The following CNTNAP2 variants were observed in gnomAD, a reference collection of about 807,000 sequenced individuals.
The protein encoded by CNTNAP2 is contactin associated protein 2, also known as contactin-associated protein-like 2.
In CNTNAP2, 98 loss-of-function variants were observed where a neutral mutation model predicts 155.2. The ratio of observed to expected loss-of-function variants is 0.63; its 90% CI spans 0.54 to 0.75. The LOEUF is 0.75. Among genes scored for constraint, CNTNAP2 ranks in the 30% least tolerant of loss-of-function variants. The pLI, the probability that CNTNAP2 is intolerant of heterozygous loss-of-function variation, is 0.00. For synonymous variants in CNTNAP2, 651 were observed against 631.2 expected, an observed-to-expected ratio of 1.03 and a Z score of -0.47; for missense variants, 1,727 against 1,688.1, an observed-to-expected ratio of 1.02 and a Z score of -0.40.
At chr7:147,672,845 G>C (rs1241231460) in intron 13 of CNTNAP2, 2 of 151,948 alleles carry the variant, frequency 1.3e-5, no homozygotes, top group Non-Finnish European at 2.9e-5. Flanking sequence ...CAATGTTGCT[G>C]CTTCCGTTTC....
At chr7:148,385,077 G>GA (rs1799160743) in intron 22 of CNTNAP2, among the ~76,000 whole-genome samples, 1 of 152,170 alleles carries the variant, frequency 6.6e-6, no homozygotes, top group African/African-American at 2.4e-5. Context: ...CTTTAATCAT[G>GA]TTCCGGCCCT....
At chr7:146,709,457 CA>C (rs1356036205) in intron 1 of CNTNAP2, among the ~76,000 whole-genome samples, 1 of 152,130 alleles carries the variant, frequency 6.6e-6, no homozygotes, top group Non-Finnish European at 1.5e-5. Context: ...AAGTACAAGC[CA>C]GAAGTTTGGG....
At chr7:147,229,353 T>C (rs916158953) in intron 8 of CNTNAP2, among the ~76,000 whole-genome samples, 2 of 152,176 alleles carry the variant, frequency 1.3e-5, no homozygotes, top group African/African-American at 4.8e-5. Context: ...TGGTTTTGAA[T>C]CAATAAAAGC....
intron 3 of CNTNAP2, among the ~76,000 whole-genome samples, chr7:146,897,698 AT>A (rs375553251): frequency 6.6e-6 from 1 of 151,850 alleles, no homozygotes; most frequent in African/African-American, 2.4e-5. Flanking sequence ...CAGTGATGAT[AT>A]TTTTCTCTAG....
chr7:147,319,723 A>C (rs543363476), intron 9 of CNTNAP2, among the ~76,000 whole-genome samples: 1 of 152,140 alleles, frequency 6.6e-6, no homozygotes, highest in Non-Finnish European at 1.5e-5. Context: ...AATATTATAG[A>C]TATAATAATA....
chr7:147,563,403 G>A (rs1800102598), intron 12 of CNTNAP2, among the ~76,000 whole-genome samples: 1 of 152,080 alleles, frequency 6.6e-6, no homozygotes, highest in South Asian at 2.1e-4. Flanking sequence ...GACTGAGGTA[G>A]GTGGATCATG....
At chr7:148,080,155 C>T (rs770918423) in intron 15 of CNTNAP2, among the ~76,000 whole-genome samples, 9 of 152,186 alleles carry the variant, frequency 5.9e-5, no homozygotes, top group Non-Finnish European at 1.0e-4. Flanking sequence ...GGGAGCCTGT[C>T]TTACAATGAG....
chr7:147,213,199 T>A (rs1335233635), intron 8 of CNTNAP2, among the ~76,000 whole-genome samples: 1 of 152,148 alleles, frequency 6.6e-6, no homozygotes, highest in African/African-American at 2.4e-5. Flanking sequence ...GAAGGCAATT[T>A]CTGAGGGCGG....
chr7:148,118,523 TGAGA>T (rs2116608985), intron 16 of CNTNAP2, among the ~76,000 whole-genome samples: 1 of 152,050 alleles, frequency 6.6e-6, no homozygotes, highest in East Asian at 1.9e-4. Context: ...GTCAAGAAGA[TGAGA>T]GAGAACACAC....
chr7:146,871,137 A>T (rs553319916), intron 3 of CNTNAP2, among the ~76,000 whole-genome samples: 41 of 152,336 alleles, frequency 2.7e-4, no homozygotes, highest in Non-Finnish European at 5.1e-4. Context: ...TTTTATGTAT[A>T]TGTGACGAAT....
At position 147,560,168 on chromosome 7, in the gene CNTNAP2, CAAA is replaced by C. The variant is rs71183016; in HGVS notation, c.1778-1949_1778-1947del. Among the ~76,000 whole-genome samples, 339 of 52,824 alleles carry C rather than the reference CAAA, an allele frequency of 6.4e-3. 1 individual carries two copies. The highest frequency in any genetic ancestry group is 0.024 in the Middle Eastern group (2 of 84). The allele number at this position is 52,824 out of a possible 152,430, so 34.7% of individuals were successfully genotyped here. On this transcript the variant is annotated intron_variant, in intron 11 of 23. Transcript: ENST00000361727. ...GGGCAACAAGAACGAAACTCCGTCT[CAAA>C]AAAAAAAAAAAAAAAAAAAATTGAA...
rs202103387 is a variant in CNTNAP2, at chr7:148,365,728, ATATGTATGTGTATACATGTATACATG to A, written c.3476-17915_3476-17890del. On this transcript the variant is annotated intron_variant, in intron 21 of 23. Transcript: ENST00000361727. ...CTTTTATATATATGTATACGTGTAT[ATATGTATGTGTATACATGTATACATG>A]TATGTGTATACGTGTATACATGTAT... Among the ~76,000 whole-genome samples, 37 of 63,740 alleles carry A rather than the reference ATATGTATGTGTATACATGTATACATG, an allele frequency of 5.8e-4. 2 individuals are homozygous for A. Among genetic ancestry groups the A allele is most frequent in the East Asian group, 1.9e-3 (6 of 3,090 alleles). 41.8% of individuals were successfully genotyped at this position (63,740 alleles called of 152,430 possible). A position where few individuals can be genotyped will look rare whatever the true frequency, so the allele number is the denominator to read the frequency against.
At chr7:147,917,392 A>G (rs560732824) in intron 14 of CNTNAP2, among the ~76,000 whole-genome samples, 1 of 152,352 alleles carries the variant, frequency 6.6e-6, no homozygotes, top group South Asian at 2.1e-4. Context: ...GTTCCCATGC[A>G]TGTAAAGGAA....
intron 16 of CNTNAP2, among the ~76,000 whole-genome samples, chr7:148,140,391 G>A (rs999715038): frequency 6.6e-6 from 1 of 151,334 alleles, no homozygotes; most frequent in African/African-American, 2.4e-5. Flanking sequence ...GGTCAATCTG[G>A]CATGGTAAGG....
chr7:147,039,206 G>GTA (rs61188354), intron 3 of CNTNAP2, among the ~76,000 whole-genome samples: 73,448 of 151,772 alleles, frequency 0.48, 18,084 homozygotes, highest in South Asian at 0.56. Context: ...GTGTGTATGT[G>GTA]TATATATATA....
intron 1 of CNTNAP2, among the ~76,000 whole-genome samples, chr7:146,563,762 G>T (rs1798316168): frequency 6.6e-6 from 1 of 152,068 alleles, no homozygotes; most frequent in East Asian, 1.9e-4. Flanking sequence ...ACACCACTTT[G>T]CCCTTCACAG....
intron 15 of CNTNAP2, among the ~76,000 whole-genome samples, chr7:148,092,050 G>A (rs1400122026): frequency 6.6e-6 from 1 of 152,226 alleles, no homozygotes; most frequent in African/African-American, 2.4e-5. Context: ...TAGCTCCGAA[G>A]TGGCCTGGAA....
rs142438682 is a variant in CNTNAP2 at position 146,728,298 on chromosome 7, T to C, written c.98-45973T>C. Among the ~76,000 whole-genome samples, 974 of 152,186 alleles carry C rather than the reference T, an allele frequency of 6.4e-3. 12 individuals are homozygous for C. Among genetic ancestry groups the C allele is most frequent in the Non-Finnish European group, 8.8e-3 (596 of 68,004 alleles). On this transcript the variant is annotated intron_variant, in intron 1 of 23. Coordinates refer to ENST00000361727, the MANE Select transcript of CNTNAP2 (RefSeq NM_014141.6). ...GTCTGACCAGGTCTGTCAAGATAAG[T>C]AGCTGTAATGAGGGAGTGGGGAGGT...
At chr7:146,418,730 T>C (rs1795970688) in intron 1 of CNTNAP2, among the ~76,000 whole-genome samples, 1 of 152,132 alleles carries the variant, frequency 6.6e-6, no homozygotes, top group Non-Finnish European at 1.5e-5. Context: ...CAAAATATTG[T>C]TATGATTTGA....
Sources: allele counts gnomAD v4.1 joint callset (sites outside exome capture counted in the v4.1 genomes callset), GRCh38; gene constraint gnomAD v4.1.1; transcripts MANE v1.5; gene names NCBI Gene and HGNC (gene_info 2026-07-23, HGNC 2026-07-21).